The following ADGRG2 variants were observed in gnomAD, a reference collection of about 807,000 sequenced individuals.
ADGRG2 encodes the protein G protein-coupled receptor 64.
In ADGRG2, 26 loss-of-function variants were observed where a neutral mutation model predicts 74.1. The observed-to-expected ratio is 0.35, with a 90% CI of 0.26 to 0.49. ADGRG2 has a LOEUF of 0.49. Ranked by LOEUF, ADGRG2 falls within the 20% of genes least tolerant of loss-of-function variation. The pLI, the probability that ADGRG2 is intolerant of heterozygous loss-of-function variation, is 0.99. For synonymous variants in ADGRG2, 296 were observed against 295.2 expected (o/e 1.00, Z -0.03); for missense variants, 619 against 763.1 (o/e 0.81, Z 2.22).
Position 18,999,925 on chromosome X carries a change from T to C in ADGRG2, c.2266A>G (p.Ile756Val), listed in dbSNP as rs1569358209. Reference protein sequence around the residue: ...PAVVVTIILTISPDNYGLGSY... With the variant: ...PAVVVTIILTVSPDNYGLGSY... Reference sequence around the variant, plus strand: ...CCAAGCCCATAGTTATCTGGGGATATAGTCAGGATGATGGTCACAACCACA... The same window carrying C: ...CCAAGCCCATAGTTATCTGGGGATACAGTCAGGATGATGGTCACAACCACA... Residue 756 changes from isoleucine (I) to valine (V), a missense_variant, in exon 25 of 29, where the codon ATA becomes GTA. Physicochemically the swap from Ile to Val is conservative, Grantham distance 29. This residue lies in a region of ADGRG2 where 221 missense variants were observed against 340.6 expected (regional missense o/e 0.65). Coordinates refer to ENST00000379869, the MANE Select transcript of ADGRG2 (RefSeq NM_001079858.3). 1 of 1,189,837 alleles carries C rather than the reference T, an allele frequency of 8.4e-7. No homozygotes were observed. The highest frequency in any genetic ancestry group is 1.1e-6 in the Non-Finnish European group (1 of 876,365).
chrX:19,089,286 G>T (rs1278398050), intron 1 of ADGRG2, among the ~76,000 whole-genome samples: 1 of 110,897 alleles, frequency 9.0e-6, no homozygotes, highest in Non-Finnish European at 1.9e-5. Flanking sequence ...ACTCTTCCTA[G>T]GGTGGAGGGT....
chrX:19,068,681 A>G (rs2061604678), intron 3 of ADGRG2, 36 bp downstream of exon 3: 1 of 629,913 alleles, frequency 1.6e-6, no homozygotes. Context: ...GCAGATAAAC[A>G]GAAAAAAAAA....
At chrX:19,065,337 A>C (rs2061552468) in intron 3 of ADGRG2, among the ~76,000 whole-genome samples, 1 of 109,601 alleles carries the variant, frequency 9.1e-6, no homozygotes, top group African/African-American at 3.3e-5. Flanking sequence ...AAAATAAATA[A>C]ATAACATGAA....
chrX:19,106,831 A>T (rs1449431117), intron 1 of ADGRG2, among the ~76,000 whole-genome samples: 1 of 109,696 alleles, frequency 9.1e-6, no homozygotes, highest in East Asian at 2.9e-4. Flanking sequence ...GAGGCATGAG[A>T]ATCACTTGAA....
chrX:19,068,608 T>C (rs907122138), intron 3 of ADGRG2, 109 bp downstream of exon 3: 5 of 421,475 alleles, frequency 1.2e-5, no homozygotes, highest in Non-Finnish European at 2.1e-5. Flanking sequence ...ATGGTTAAAA[T>C]GATAAATATT....
chrX:19,061,201 C>T (rs958698166), intron 3 of ADGRG2, among the ~76,000 whole-genome samples: 1 of 111,664 alleles, frequency 9.0e-6, no homozygotes, highest in Non-Finnish European at 1.9e-5. Context: ...TCAGAACTGA[C>T]TGGGTTCGGA....
Position 19,013,827 on chromosome X carries a change from G to A in ADGRG2, c.958C>T (p.Pro320Ser), listed in dbSNP as rs1378815990. 2 of 1,203,369 alleles carry A rather than the reference G, an allele frequency of 1.7e-6. No individual in the cohort carries two copies. The highest frequency in any genetic ancestry group is 5.9e-5 in the East Asian group (2 of 33,646). ...GGGGAAGAGATCGTTTCAGACTGTGGGGGCATGTCAATGGCAGGGCTGGAA... is the reference window on the plus strand; with the variant it reads ...GGGGAAGAGATCGTTTCAGACTGTGAGGGCATGTCAATGGCAGGGCTGGAA... ...IASSPAIDMP[P>S]QSETISSPMP... The change falls in exon 16 of 29, where the codon CCA becomes TCA. Residue 320 changes from proline (P) to serine (S), a missense_variant. Pro to Ser is a moderately conservative substitution (Grantham distance 74, BLOSUM62 -1). Around this residue, in one of 3 missense-constraint regions of ADGRG2, gnomAD observed 292 missense variants for 318.0 expected, o/e 0.92. Coordinates refer to ENST00000379869, the MANE Select transcript of ADGRG2 (RefSeq NM_001079858.3).
At chrX:19,020,683 A>T (rs757043582) in intron 14 of ADGRG2, among the ~76,000 whole-genome samples, 1 of 111,823 alleles carries the variant, frequency 8.9e-6, no homozygotes, top group Non-Finnish European at 1.9e-5. Context: ...AAATTGCCCA[A>T]TGGACAGGTG....
At position 18,996,162 on chromosome X, in the gene ADGRG2, G is replaced by GA. The variant is rs201062107; in HGVS notation, c.2615-11dup. ...ATGAATATGAAAAATCCTAAGGAGG[G>GA]AAAAAAAACCCACAATGAATTCCAA... On this transcript the variant is annotated splice_polypyrimidine_tract_variant and intron_variant, in intron 26 of 28. Coordinates refer to ENST00000379869, the MANE Select transcript of ADGRG2 (RefSeq NM_001079858.3). 9.7e-4 allele frequency: 863 copies of GA among 891,336 alleles called. 5 individuals carry two copies. In the African/African-American group the frequency reaches 0.013, roughly 13 times the overall value. The allele number at this position is 891,336 out of a possible 1,213,427, so 73.5% of individuals were successfully genotyped here. A position where few individuals can be genotyped will look rare whatever the true frequency, so the allele number is the denominator to read the frequency against.
chrX:19,058,934 T>C (rs994915434), intron 3 of ADGRG2, among the ~76,000 whole-genome samples: 4 of 112,629 alleles, frequency 3.6e-5, no homozygotes, highest in African/African-American at 9.7e-5. Context: ...GAACTGTTGC[T>C]TTTATGCCTT....
At chrX:19,028,925 C>A (rs750517295) in intron 9 of ADGRG2, among the ~76,000 whole-genome samples, 1 of 112,061 alleles carries the variant, frequency 8.9e-6, no homozygotes, top group East Asian at 2.8e-4. Context: ...AACTACCCAA[C>A]TCTGCCATTG....
intron 1 of ADGRG2, among the ~76,000 whole-genome samples, chrX:19,109,871 T>C (rs950135484): frequency 5.4e-5 from 6 of 111,757 alleles, no homozygotes; most frequent in African/African-American, 2.0e-4. Flanking sequence ...TCTATCACTG[T>C]TTTTTTCTTG....
chrX:19,107,299 C>G (rs1430101747), intron 1 of ADGRG2, among the ~76,000 whole-genome samples: 1 of 112,348 alleles, frequency 8.9e-6, no homozygotes, highest in Non-Finnish European at 1.9e-5. Flanking sequence ...ATCTGCTAAT[C>G]GTTTTCCCTG....
chrX:19,067,822 A>G (rs1243102940), intron 3 of ADGRG2, among the ~76,000 whole-genome samples: 1 of 112,243 alleles, frequency 8.9e-6, no homozygotes, highest in Admixed American at 9.5e-5. Context: ...AAACTGAGCA[A>G]AGGACTTGAA....
In ADGRG2 at chrX:19,023,896, G is replaced by T; in HGVS notation, c.510+13C>A. The T allele has an allele frequency of 1.8e-6, 2 of 1,131,906 alleles. No individual in the cohort carries two copies. Among genetic ancestry groups the T allele is most frequent in the Non-Finnish European group, 2.4e-6 (2 of 822,781 alleles). 93.3% of individuals were successfully genotyped at this position (1,131,906 alleles called of 1,213,427 possible). On this transcript the variant is annotated intron_variant, in intron 12 of 28. Coordinates refer to ENST00000379869, the MANE Select transcript of ADGRG2 (RefSeq NM_001079858.3). The stretch of plus-strand genomic sequence containing the variant: ...AATAATTATAAACAAGCTACAGGGT[G>T]CACTATGATTACCTCACTTAGGGTT...
At chrX:19,104,345 GACCTGA>G (rs2062241944) in intron 1 of ADGRG2, among the ~76,000 whole-genome samples, 1 of 110,950 alleles carries the variant, frequency 9.0e-6, no homozygotes, top group Admixed American at 9.6e-5. Context: ...AGGTCAAAAA[GACCTGA>G]ACTAGCTTGA....
rs1165571269 is a variant in ADGRG2 at position 18,996,163 on chromosome X, A to G, written c.2615-11T>C. 2 of 865,255 alleles carry G rather than the reference A, an allele frequency of 2.3e-6. No homozygotes were observed. Among genetic ancestry groups the G allele is most frequent in the Admixed American group, 2.3e-5 (1 of 43,614 alleles). The allele number at this position is 865,255 out of a possible 1,213,427, so 71.3% of individuals were successfully genotyped here. On this transcript the variant is annotated splice_polypyrimidine_tract_variant and intron_variant, in intron 26 of 28. Transcript: ENST00000379869. Reference sequence around the variant, plus strand: ...TGAATATGAAAAATCCTAAGGAGGGAAAAAAAACCCACAATGAATTCCAAG... The same window carrying G: ...TGAATATGAAAAATCCTAAGGAGGGGAAAAAAACCCACAATGAATTCCAAG...
chrX:19,007,111 A>C, intron 20 of ADGRG2, 124 bp downstream of exon 20: 1 of 664,988 alleles, frequency 1.5e-6, no homozygotes, highest in Non-Finnish European at 2.4e-6. Flanking sequence ...CTAGTCCTGC[A>C]AACTACTCCA....
chrX:19,077,694 T>C (rs1158782451), intron 2 of ADGRG2, among the ~76,000 whole-genome samples: 1 of 111,673 alleles, frequency 9.0e-6, no homozygotes. Context: ...ATGGAAAAGA[T>C]ATGCTATGCC....
Sources: gnomAD v4.1 joint callset for allele counts (sites outside exome capture counted in the v4.1 genomes callset) on GRCh38, gnomAD v4.1.1 for gene constraint, gnomAD v4.1.1 regional missense constraint, MANE v1.5 for transcripts, NCBI Gene and HGNC (gene_info 2026-07-23, HGNC 2026-07-21) for gene names.